NEDD4: variants seen among roughly 807,000 people sequenced by gnomAD.
NEDD4 encodes the protein E3 ubiquitin-protein ligase NEDD4.
In NEDD4, 99 loss-of-function variants were observed where a neutral mutation model predicts 144.9. That is an observed-to-expected ratio of 0.68 (90% CI 0.58 to 0.81). NEDD4 has a LOEUF of 0.81. Ranked by LOEUF, NEDD4 falls within the 30% of genes least tolerant of loss-of-function variation. The pLI, the probability that NEDD4 is intolerant of heterozygous loss-of-function variation, is 0.00. For synonymous variants in NEDD4, 318 were observed against 350.6 expected, an observed-to-expected ratio of 0.91 and a Z score of 1.04; for missense variants, 985 against 1,065.9, an observed-to-expected ratio of 0.92 and a Z score of 1.06.
intron 14 of NEDD4, 53 bp downstream of exon 14, chr15:55,850,489 A>G (rs2033939556): frequency 1.3e-6 from 2 of 1,543,510 alleles, no homozygotes; most frequent in Admixed American, 1.7e-5. Context: ...GGAACTATAC[A>G]TAAGAGATGA....
At chr15:55,990,712 C>T (rs1488726685) in intron 1 of NEDD4, among the ~76,000 whole-genome samples, 1 of 152,074 alleles carries the variant, frequency 6.6e-6, no homozygotes, top group Non-Finnish European at 1.5e-5. Flanking sequence ...GTTTAGTTTT[C>T]CCACCTCCAT....
At chr15:55,981,963 C>G (rs974110246) in intron 1 of NEDD4, among the ~76,000 whole-genome samples, 2 of 152,184 alleles carry the variant, frequency 1.3e-5, no homozygotes, top group Non-Finnish European at 2.9e-5. Context: ...AACAACTCAT[C>G]ATTACTTTAC....
chr15:55,954,820 A>G (rs1372947079), intron 2 of NEDD4, among the ~76,000 whole-genome samples: 1 of 151,862 alleles, frequency 6.6e-6, no homozygotes, highest in African/African-American at 2.4e-5. Context: ...CACCGTGCCT[A>G]GCCGAGTTTT....
chr15:55,945,942 T>C (rs2037103920), intron 4 of NEDD4, among the ~76,000 whole-genome samples: 1 of 151,894 alleles, frequency 6.6e-6, no homozygotes, highest in South Asian at 2.1e-4. Flanking sequence ...ATAAAACCCT[T>C]TATAGACAAG....
chr15:55,827,362 A>G lies in NEDD4; in HGVS notation c.*2535T>C, dbSNP rs1433093863. ...GATAAGGGGCTGTGTTGCTTGATAG[A>G]TGTTTCTTCCAGACCACGAGCCCCT... On this transcript the variant is annotated 3_prime_UTR_variant, in exon 29 of 29. Transcript: ENST00000435532. 4 of 152,160 alleles carry G rather than the reference A, an allele frequency of 2.6e-5. No individual in the cohort carries two copies. The highest frequency in any genetic ancestry group is 2.9e-5 in the Non-Finnish European group (2 of 68,024). 9.4% of individuals were successfully genotyped at this position (152,160 alleles called of 1,614,324 possible).
rs2032899753 is a variant in NEDD4 at position 55,830,532 on chromosome 15, A to G, written c.2582T>C (p.Leu861Pro). The G allele has an allele frequency of 6.2e-7, 1 of 1,614,134 alleles. No homozygotes were observed. Among genetic ancestry groups the G allele is most frequent in the African/African-American group, 1.3e-5 (1 of 75,060 alleles). The change falls in exon 28 of 29, where the codon CTG (leucine) becomes CCG (proline). Residue 861 changes from leucine to proline, a missense_variant. Coordinates refer to ENST00000435532, the MANE Select transcript of NEDD4 (RefSeq NM_006154.4). The stretch of plus-strand genomic sequence containing the variant: ...TGCTTACCAGGTATGAGCTCTTGGC[A>G]GCTTTTCAGGAGTACCCCACTGTTC... ...TVEQWGTPEK[L>P]PRAHTCFNRL...
chr15:55,839,033 ATT>A (rs36010044), intron 21 of NEDD4, among the ~76,000 whole-genome samples: 1 of 145,852 alleles, frequency 6.9e-6, no homozygotes, highest in African/African-American at 2.5e-5. Flanking sequence ...TTTTAATTTA[ATT>A]TTTTTTTTTT....
intron 2 of NEDD4, among the ~76,000 whole-genome samples, chr15:55,955,529 T>C (rs1298159533): frequency 6.6e-6 from 1 of 152,044 alleles, no homozygotes. Flanking sequence ...TCTATGAATT[T>C]GACTATTTTA....
At chr15:55,900,257 C>A (rs2035871557) in intron 5 of NEDD4, among the ~76,000 whole-genome samples, 1 of 152,158 alleles carries the variant, frequency 6.6e-6, no homozygotes. Flanking sequence ...CTCCACAGGA[C>A]TGGATTTGTT....
intron 8 of NEDD4, among the ~76,000 whole-genome samples, chr15:55,867,506 TC>T (rs2034625864): frequency 6.6e-6 from 1 of 152,194 alleles, no homozygotes; most frequent in South Asian, 2.1e-4. Context: ...TTAAATTTTT[TC>T]AAGTTACTAA....
intron 5 of NEDD4, among the ~76,000 whole-genome samples, chr15:55,910,354 G>T (rs2036231783): frequency 6.6e-6 from 1 of 151,878 alleles, no homozygotes; most frequent in East Asian, 1.9e-4. Context: ...ACATCCAGTG[G>T]ATACTTATGT....
rs1319181227 is a variant in NEDD4 at position 55,827,819 on chromosome 15, A to T, written c.*2078T>A. The T allele has an allele frequency of 2.6e-5, 4 of 152,160 alleles. No homozygotes were observed. The highest frequency in any genetic ancestry group is 2.9e-5 in the Non-Finnish European group (2 of 68,036). The allele number at this position is 152,160 out of a possible 1,614,324, so 9.4% of individuals were successfully genotyped here. On this transcript the variant is annotated 3_prime_UTR_variant, in exon 29 of 29. Coordinates refer to ENST00000435532, the MANE Select transcript of NEDD4 (RefSeq NM_006154.4). ...AAATGATTCTTTGGGAGTGTGGTCAATTTGCACACCTGACTTGACACAATC... is the reference window on the plus strand; with the variant it reads ...AAATGATTCTTTGGGAGTGTGGTCATTTTGCACACCTGACTTGACACAATC...
intron 4 of NEDD4, among the ~76,000 whole-genome samples, chr15:55,934,309 T>C (rs2036842398): frequency 6.6e-6 from 1 of 152,230 alleles, no homozygotes; most frequent in Non-Finnish European, 1.5e-5. Flanking sequence ...CATTCCTTTT[T>C]ATTGATGAAT....
At chr15:55,947,330 C>A (rs1280755044) in intron 4 of NEDD4, among the ~76,000 whole-genome samples, 1 of 152,098 alleles carries the variant, frequency 6.6e-6, no homozygotes, top group Non-Finnish European at 1.5e-5. Flanking sequence ...GGGGATATCA[C>A]CACCAATCCC....
chr15:55,909,791 G>A (rs1360566030), intron 5 of NEDD4, among the ~76,000 whole-genome samples: 1 of 152,188 alleles, frequency 6.6e-6, no homozygotes, highest in Non-Finnish European at 1.5e-5. Context: ...AACATAGACA[G>A]AATTGCCTAT....
intron 18 of NEDD4, among the ~76,000 whole-genome samples, chr15:55,845,257 T>G (rs1453711858): frequency 6.6e-6 from 1 of 152,194 alleles, no homozygotes; most frequent in African/African-American, 2.4e-5. Context: ...AATTTCTCTC[T>G]TAATTCTCTT....
intron 20 of NEDD4, 42 bp downstream of exon 20, chr15:55,840,564 A>G (rs768619065): frequency 4.3e-6 from 7 of 1,613,504 alleles, no homozygotes; most frequent in Non-Finnish European, 5.9e-6. Flanking sequence ...AGTGAAAGAA[A>G]ACAGGTAATT....
intron 9 of NEDD4, among the ~76,000 whole-genome samples, chr15:55,862,220 A>G (rs2034434907): frequency 6.6e-6 from 1 of 152,160 alleles, no homozygotes; most frequent in Admixed American, 6.6e-5. Context: ...AAAAATTAGG[A>G]GGCTAATGAA....
Position 55,956,999 on chromosome 15 carries a change from C to T in NEDD4, c.120-5410G>A, listed in dbSNP as rs148389813. Among the ~76,000 whole-genome samples, 636 of 152,196 alleles carry T rather than the reference C, an allele frequency of 4.2e-3. 5 individuals carry two copies. Among genetic ancestry groups the T allele is most frequent in the African/African-American group, 0.014 (601 of 41,512 alleles). On this transcript the variant is annotated intron_variant, in intron 2 of 28. Transcript: ENST00000435532. ...GCACTGTTTTATAGTTTTCAGTGTC[C>T]ATTTATTACAAATCTTTTGTTGTAT...
Sources: allele counts gnomAD v4.1 joint callset (sites outside exome capture counted in the v4.1 genomes callset), GRCh38; gene constraint gnomAD v4.1.1; transcripts MANE v1.5; gene names NCBI Gene and HGNC (gene_info 2026-07-23, HGNC 2026-07-21).